Variants in SPAG16 observed in about 807,000 individuals in gnomAD.
SPAG16 encodes sperm associated antigen 16.
SPAG16 carries 86 observed loss-of-function variants against 80.4 expected under a neutral mutation model. That is an observed-to-expected ratio of 1.07 (90% CI 0.90 to 1.28). SPAG16 has a LOEUF of 1.28. Among genes scored for constraint, SPAG16 ranks in the 50% most tolerant of loss-of-function variants. The pLI, the probability that SPAG16 is intolerant of heterozygous loss-of-function variation, is 0.00. For missense variants in SPAG16, 870 were observed against 765.3 expected, an observed-to-expected ratio of 1.14 and a Z score of -1.61; for synonymous variants, 294 against 265.9, an observed-to-expected ratio of 1.11 and a Z score of -1.03.
intron 13 of SPAG16, among the ~76,000 whole-genome samples, chr2:214,081,214 C>A (rs2051376373): frequency 6.6e-6 from 1 of 151,920 alleles, no homozygotes; most frequent in African/African-American, 2.4e-5. Flanking sequence ...AACATACTTC[C>A]AGAAGTAGGA....
chr2:214,048,633 T>C (rs1474392492), intron 13 of SPAG16, among the ~76,000 whole-genome samples: 1 of 152,130 alleles, frequency 6.6e-6, no homozygotes, highest in Non-Finnish European at 1.5e-5. Context: ...GAATAAGACC[T>C]AGTATTTGCT....
intron 10 of SPAG16, among the ~76,000 whole-genome samples, chr2:213,598,334 A>G (rs888467859): frequency 1.3e-5 from 2 of 152,192 alleles, no homozygotes; most frequent in Non-Finnish European, 2.9e-5. Context: ...CCAAATACCA[A>G]AATTAATAAT....
intron 11 of SPAG16, among the ~76,000 whole-genome samples, chr2:213,873,417 C>G (rs1160399532): frequency 6.6e-6 from 1 of 151,636 alleles, no homozygotes; most frequent in Non-Finnish European, 1.5e-5. Context: ...CTCAGTAGAG[C>G]TAAAGTCAAT....
At chr2:214,166,911 G>T (rs2056678452) in intron 15 of SPAG16, among the ~76,000 whole-genome samples, 1 of 152,080 alleles carries the variant, frequency 6.6e-6, no homozygotes, top group African/African-American at 2.4e-5. Flanking sequence ...AGAAGAGCTG[G>T]TATCTTTTTA....
chr2:213,356,669 G>A (rs1272298277), intron 7 of SPAG16, among the ~76,000 whole-genome samples: 3 of 151,848 alleles, frequency 2.0e-5, no homozygotes, highest in African/African-American at 7.3e-5. Context: ...TTAGTGGTCT[G>A]TCAATATTGT....
chr2:213,673,851 G>A (rs529131324), intron 10 of SPAG16, among the ~76,000 whole-genome samples: 5 of 151,782 alleles, frequency 3.3e-5, no homozygotes, highest in South Asian at 2.1e-4. Context: ...TCACTTTAAC[G>A]GACATACTCA....
intron 3 of SPAG16, among the ~76,000 whole-genome samples, chr2:213,305,817 G>A (rs530704404): frequency 1.4e-4 from 21 of 152,064 alleles, no homozygotes; most frequent in African/African-American, 4.3e-4. Flanking sequence ...CTTTTAACAT[G>A]TCTTTGTCTG....
At chr2:213,950,583 G>A (rs963189245) in intron 12 of SPAG16, among the ~76,000 whole-genome samples, 1 of 151,488 alleles carries the variant, frequency 6.6e-6, no homozygotes. Context: ...TTATTTTACA[G>A]ATATTATTTA....
intron 15 of SPAG16, among the ~76,000 whole-genome samples, chr2:214,291,967 T>C (rs1487595448): frequency 1.3e-5 from 2 of 152,208 alleles, no homozygotes; most frequent in Non-Finnish European, 2.9e-5. Flanking sequence ...TGTTTGCTTG[T>C]CTGGGAAAAA....
intron 15 of SPAG16, among the ~76,000 whole-genome samples, chr2:214,282,622 G>T (rs916574324): frequency 6.6e-6 from 1 of 151,988 alleles, no homozygotes; most frequent in Non-Finnish European, 1.5e-5. Flanking sequence ...AAGAAATACC[G>T]TCTTTTAATT....
intron 10 of SPAG16, among the ~76,000 whole-genome samples, chr2:213,588,451 AT>A (rs56944461): frequency 0.078 from 11,230 of 143,904 alleles, 901 homozygotes; most frequent in African/African-American, 0.21. Flanking sequence ...TTTATTTGTG[AT>A]TTTTTTTTTT....
chr2:213,744,373 A>G (rs2067719306), intron 10 of SPAG16, among the ~76,000 whole-genome samples: 1 of 152,126 alleles, frequency 6.6e-6, no homozygotes, highest in South Asian at 2.1e-4. Flanking sequence ...CCCCACAGTC[A>G]TCCCAAGCTT....
chr2:213,607,379 T>TA (rs1483048717), intron 10 of SPAG16, among the ~76,000 whole-genome samples: 155 of 152,336 alleles, frequency 1.0e-3, no homozygotes, highest in African/African-American at 3.3e-3. Flanking sequence ...GCCTAAGTAA[T>TA]ATATTAGGTG....
chr2:213,867,021 T>C (rs2075716685), intron 11 of SPAG16, among the ~76,000 whole-genome samples: 1 of 152,112 alleles, frequency 6.6e-6, no homozygotes, highest in South Asian at 2.1e-4. Flanking sequence ...ATAATAACTA[T>C]ACACATAACT....
At chr2:213,605,786 G>A (rs1029685618) in intron 10 of SPAG16, among the ~76,000 whole-genome samples, 1 of 152,158 alleles carries the variant, frequency 6.6e-6, no homozygotes, top group Non-Finnish European at 1.5e-5. Flanking sequence ...ACCGCACCCA[G>A]CCTGGAATGC....
chr2:214,372,470 A>AAAAC (rs11473748), intron 15 of SPAG16, among the ~76,000 whole-genome samples: 100,454 of 151,604 alleles, frequency 0.66, 34,332 homozygotes, highest in South Asian at 0.75. Context: ...AAAACAGAAT[A>AAAAC]AAACAAGGAA....
intron 10 of SPAG16, among the ~76,000 whole-genome samples, chr2:213,501,063 C>T (rs574798925): frequency 6.6e-6 from 1 of 152,246 alleles, no homozygotes; most frequent in South Asian, 2.1e-4. Context: ...CAGGTCTAAC[C>T]CTGGTTAGCT....
At chr2:213,630,896 T>C (rs2062126149) in intron 10 of SPAG16, among the ~76,000 whole-genome samples, 1 of 152,144 alleles carries the variant, frequency 6.6e-6, no homozygotes, top group Non-Finnish European at 1.5e-5. Context: ...GAATAAATGA[T>C]ATCAGAGGAA....
chr2:213,721,135 C>T (rs953017967), intron 10 of SPAG16, among the ~76,000 whole-genome samples: 7 of 151,904 alleles, frequency 4.6e-5, no homozygotes, highest in African/African-American at 1.7e-4. Context: ...GAGTCTCTCT[C>T]TGTAACCCAG....
Sources: allele counts gnomAD v4.1 joint callset (sites outside exome capture counted in the v4.1 genomes callset), GRCh38; gene constraint gnomAD v4.1.1; transcripts MANE v1.5; gene names NCBI Gene and HGNC (gene_info 2026-07-23, HGNC 2026-07-21).